EPHA6: variants seen among roughly 807,000 people sequenced by gnomAD.
EPHA6 encodes the protein EPH receptor A6.
A neutral mutation model predicts 112.0 loss-of-function variants in EPHA6; 50 were observed. The observed-to-expected ratio is 0.45, with a 90% CI of 0.36 to 0.56. The LOEUF (loss-of-function observed/expected upper bound fraction) is 0.56. Among genes scored for constraint, EPHA6 ranks in the 20% least tolerant of loss-of-function variants. The pLI is 0.00. For synonymous variants in EPHA6, 529 were observed against 490.7 expected (o/e 1.08, Z -1.03); for missense variants, 1,280 against 1,417.4 (o/e 0.90, Z 1.56).
At chr3:97,745,031 G>C (rs978533006) in intron 16 of EPHA6, among the ~76,000 whole-genome samples, 1 of 151,788 alleles carries the variant, frequency 6.6e-6, no homozygotes, top group Non-Finnish European at 1.5e-5. Context: ...ATTTAAACTT[G>C]GTTAGTGAAG....
chr3:97,121,725 C>G (rs1418252985), intron 3 of EPHA6, among the ~76,000 whole-genome samples: 3 of 152,018 alleles, frequency 2.0e-5, no homozygotes, highest in Non-Finnish European at 4.4e-5. Flanking sequence ...AAGGAGTATG[C>G]TAGTGTAGGA....
chr3:97,156,748 T>A (rs1329922237), intron 3 of EPHA6, among the ~76,000 whole-genome samples: 3 of 152,174 alleles, frequency 2.0e-5, no homozygotes, highest in African/African-American at 7.2e-5. Context: ...TGTTTTACTC[T>A]TAACCTCTTT....
chr3:97,456,503 T>C (rs2090690331), intron 7 of EPHA6, among the ~76,000 whole-genome samples: 1 of 152,176 alleles, frequency 6.6e-6, no homozygotes, highest in Non-Finnish European at 1.5e-5. Flanking sequence ...TGAATTAATA[T>C]TATCCAATAA....
intron 5 of EPHA6, among the ~76,000 whole-genome samples, chr3:97,339,368 T>C (rs759834418): frequency 1.5e-4 from 23 of 152,214 alleles, no homozygotes; most frequent in Non-Finnish European, 2.5e-4. Flanking sequence ...TCTGATCCCT[T>C]AGGCTTGTGT....
At chr3:97,544,774 T>TTA (rs774666267) in intron 11 of EPHA6, among the ~76,000 whole-genome samples, 5 of 152,318 alleles carry the variant, frequency 3.3e-5, no homozygotes, top group Non-Finnish European at 7.4e-5. Flanking sequence ...TCAGAGCCTG[T>TTA]TATTGGTCTA....
chr3:97,745,012 C>A (rs1220221908), intron 16 of EPHA6, among the ~76,000 whole-genome samples: 1 of 151,928 alleles, frequency 6.6e-6, no homozygotes, highest in Non-Finnish European at 1.5e-5. Flanking sequence ...ATATCCTGGT[C>A]ATTTTGATAT....
At chr3:97,041,662 A>G (rs2045320066) in intron 3 of EPHA6, among the ~76,000 whole-genome samples, 1 of 152,080 alleles carries the variant, frequency 6.6e-6, no homozygotes, top group African/African-American at 2.4e-5. Flanking sequence ...TTATAAAGAA[A>G]AGAGGGTTAA....
intron 14 of EPHA6, among the ~76,000 whole-genome samples, chr3:97,702,883 C>T (rs988438145): frequency 2.0e-5 from 3 of 152,134 alleles, no homozygotes; most frequent in Non-Finnish European, 2.9e-5. Flanking sequence ...CCAACTTGAA[C>T]AGAGTTAGAC....
chr3:97,357,243 G>A (rs149232449), intron 5 of EPHA6, among the ~76,000 whole-genome samples: 2 of 152,220 alleles, frequency 1.3e-5, no homozygotes, highest in East Asian at 3.9e-4. Flanking sequence ...GTCTCGCTCT[G>A]TCACCTAGGC....
At chr3:96,936,092 C>T (rs1040837726) in intron 2 of EPHA6, among the ~76,000 whole-genome samples, 3 of 152,062 alleles carry the variant, frequency 2.0e-5, no homozygotes, top group African/African-American at 4.8e-5. Flanking sequence ...CCTGATGTTA[C>T]TTCTCCTCTG....
intron 3 of EPHA6, among the ~76,000 whole-genome samples, chr3:97,161,394 A>G (rs1418029733): frequency 1.3e-5 from 2 of 152,118 alleles, no homozygotes; most frequent in Non-Finnish European, 2.9e-5. Context: ...CACTACCACT[A>G]CCGCTGACAC....
chr3:97,164,682 G>T (rs2108407733), intron 3 of EPHA6, among the ~76,000 whole-genome samples: 1 of 152,168 alleles, frequency 6.6e-6, no homozygotes, highest in East Asian at 1.9e-4. Flanking sequence ...CATGGCATAT[G>T]TGGTTCCCAG....
At chr3:97,735,100 A>G (rs897819412) in intron 15 of EPHA6, among the ~76,000 whole-genome samples, 1 of 152,050 alleles carries the variant, frequency 6.6e-6, no homozygotes, top group Admixed American at 6.6e-5. Flanking sequence ...GGCTATATAC[A>G]TTTAAATTTA....
At chr3:96,963,027 G>C (rs1487833434) in intron 2 of EPHA6, among the ~76,000 whole-genome samples, 1 of 151,960 alleles carries the variant, frequency 6.6e-6, no homozygotes, top group Non-Finnish European at 1.5e-5. Flanking sequence ...AGTGGCATGT[G>C]CCTGTAGTCC....
chr3:97,694,362 G>A (rs375493003), intron 14 of EPHA6, among the ~76,000 whole-genome samples: 77 of 151,726 alleles, frequency 5.1e-4, no homozygotes, highest in African/African-American at 1.8e-3. Flanking sequence ...TCAGCCTCCC[G>A]AGTAGCTGAG....
At chr3:97,163,295 C>G (rs1028305997) in intron 3 of EPHA6, among the ~76,000 whole-genome samples, 1 of 152,110 alleles carries the variant, frequency 6.6e-6, no homozygotes, top group Admixed American at 6.6e-5. Flanking sequence ...GATGGGTCAT[C>G]TTTTGATCCA....
intron 11 of EPHA6, among the ~76,000 whole-genome samples, chr3:97,537,830 C>A (rs1436597634): frequency 6.6e-6 from 1 of 152,124 alleles, no homozygotes; most frequent in Non-Finnish European, 1.5e-5. Context: ...CCACCTACCT[C>A]GGCCTCCCAA....
intron 3 of EPHA6, among the ~76,000 whole-genome samples, chr3:97,187,815 G>A (rs951061079): frequency 6.6e-6 from 1 of 152,046 alleles, no homozygotes; most frequent in African/African-American, 2.4e-5. Flanking sequence ...ACAGAATCAA[G>A]CCTAATGTTA....
chr3:96,845,003 C>T (rs1032154430), intron 1 of EPHA6, among the ~76,000 whole-genome samples: 2 of 151,528 alleles, frequency 1.3e-5, no homozygotes, highest in Non-Finnish European at 2.9e-5. Flanking sequence ...ATAAGATATC[C>T]TGTACATCCC....
Sources: allele counts gnomAD v4.1 joint callset (sites outside exome capture counted in the v4.1 genomes callset), GRCh38; gene constraint gnomAD v4.1.1; transcripts MANE v1.5; gene names NCBI Gene and HGNC (gene_info 2026-07-23, HGNC 2026-07-21).